Variants in TPO observed in about 807,000 individuals in gnomAD.
The protein encoded by TPO is thyroid microsomal antigen.
In TPO, 78 loss-of-function variants were observed where a neutral mutation model predicts 96.9. That is an observed-to-expected ratio of 0.81 (90% CI 0.67 to 0.97). TPO has a LOEUF of 0.97. Ranked by LOEUF, TPO falls within the 50% of genes least tolerant of loss-of-function variation. The probability of loss-of-function intolerance (pLI) is 0.00; values close to 1 mark genes in which losing one functional copy is unlikely to be tolerated. For synonymous variants in TPO, 547 were observed against 538.0 expected (o/e 1.02, Z -0.23); for missense variants, 1,252 against 1,274.8 (o/e 0.98, Z 0.27).
chr2:1,451,454 C>T (rs917840161), intron 5 of TPO, among the ~76,000 whole-genome samples: 4 of 152,204 alleles, frequency 2.6e-5, no homozygotes, highest in African/African-American at 7.2e-5. Flanking sequence ...TATCTTGTCA[C>T]GATTCTTGTA....
intron 6 of TPO, among the ~76,000 whole-genome samples, chr2:1,454,804 C>T (rs1399613483): frequency 6.6e-6 from 1 of 152,204 alleles, no homozygotes; most frequent in African/African-American, 2.4e-5. Context: ...CCCATATTTG[C>T]TCAGAATTAT....
chr2:1,388,279 TTTTG>T, intron 1 of TPO, among the ~76,000 whole-genome samples: 1 of 152,154 alleles, frequency 6.6e-6, no homozygotes, highest in Non-Finnish European at 1.5e-5. Flanking sequence ...TTCTGCTGCC[TTTTG>T]TTTGTCTGTG....
intron 9 of TPO, among the ~76,000 whole-genome samples, chr2:1,486,862 G>A (rs1272480759): frequency 6.6e-6 from 1 of 152,212 alleles, no homozygotes; most frequent in African/African-American, 2.4e-5. Context: ...TGAGAGCTGA[G>A]TCATGCACAG....
At chr2:1,401,034 T>C (rs1558247127) in intron 1 of TPO, among the ~76,000 whole-genome samples, 1 of 144,830 alleles carries the variant, frequency 6.9e-6, no homozygotes. Flanking sequence ...TCTGTCCTTG[T>C]AGGTCTGGAT....
intron 15 of TPO, among the ~76,000 whole-genome samples, chr2:1,525,279 C>T (rs1386263773): frequency 1.4e-5 from 2 of 147,084 alleles, no homozygotes; most frequent in African/African-American, 2.5e-5. Flanking sequence ...CCTCAAATCC[C>T]CTACTCTGTG....
chr2:1,419,294 G>A (rs1663264002), intron 2 of TPO, among the ~76,000 whole-genome samples: 1 of 152,144 alleles, frequency 6.6e-6, no homozygotes, highest in Non-Finnish European at 1.5e-5. Flanking sequence ...AACTCCCTAA[G>A]TCTATGGTCC....
intron 5 of TPO, 37 bp downstream of exon 5, chr2:1,436,421 G>A (rs1244370719): frequency 6.2e-7 from 1 of 1,613,826 alleles, no homozygotes. Flanking sequence ...TCTCGTGAAA[G>A]TTGGATCTGA....
intron 2 of TPO, among the ~76,000 whole-genome samples, chr2:1,422,542 C>A (rs1389322064): frequency 2.0e-5 from 3 of 152,194 alleles, no homozygotes; most frequent in African/African-American, 4.8e-5. Flanking sequence ...AAACACTTGC[C>A]GTCTTCCTGT....
At position 1,495,992 on chromosome 2, in the gene TPO, T is replaced by C. The variant is rs756765343; in HGVS notation, c.2010T>C (p.Phe670=). The C allele has an allele frequency of 9.9e-6, 16 of 1,612,248 alleles. No individual in the cohort carries two copies. In the East Asian group the frequency reaches 2.9e-4, roughly 29 times the overall value. ...QMKALRDGDW[F]WWENSHVFTD... ...CTCACTGTCTCCTTCTCTGGAGGTT[T>C]TGGTGGGAGAACAGCCACGTCTTCA... The change falls in exon 12 of 17, where the codon TTT becomes TTC. Residue 670 remains phenylalanine (F), a synonymous_variant. Transcript: ENST00000329066.
intron 7 of TPO, among the ~76,000 whole-genome samples, chr2:1,461,009 G>A (rs868629307): frequency 6.6e-6 from 1 of 152,192 alleles, no homozygotes; most frequent in Non-Finnish European, 1.5e-5. Context: ...GCAAGTCTGC[G>A]GCTGCTATTG....
At chr2:1,437,888 T>C (rs9751670) in intron 5 of TPO, among the ~76,000 whole-genome samples, 48,352 of 151,744 alleles carry the variant, frequency 0.32, 8,526 homozygotes, top group South Asian at 0.48. Context: ...GGAGATGGCA[T>C]GTGTCCTGTC....
intron 14 of TPO, among the ~76,000 whole-genome samples, chr2:1,512,940 C>T (rs1336876356): frequency 6.6e-6 from 1 of 152,248 alleles, no homozygotes; most frequent in Non-Finnish European, 1.5e-5. Flanking sequence ...TGGGCATGAC[C>T]TTTCTGCATC....
intron 1 of TPO, among the ~76,000 whole-genome samples, chr2:1,375,449 T>A (rs1661709054): frequency 6.6e-6 from 1 of 150,664 alleles, no homozygotes; most frequent in African/African-American, 2.4e-5. Flanking sequence ...CCAAAGAGGG[T>A]TTTGGGAACT....
Position 1,477,379 on chromosome 2 carries a change from G to T in TPO, c.1113G>T (p.Ala371=), listed in dbSNP as rs1043157010. The stretch of plus-strand genomic sequence containing the variant: ...ACCTGCCCTTCGTGCCGCCACGCGC[G>T]CCTGCGGCCTGTGCGCCCGAGCCCG... ...RAYLPFVPPR[A]PAACAPEPGI... The change falls in exon 8 of 17, where the codon GCG becomes GCT. Residue 371 remains alanine (A), a synonymous_variant. Coordinates refer to ENST00000329066, the MANE Select transcript of TPO (RefSeq NM_001206744.2). 6 of 1,523,550 alleles carry T rather than the reference G, an allele frequency of 3.9e-6. No individual in the cohort carries two copies. Among genetic ancestry groups the T allele is most frequent in the Non-Finnish European group, 5.3e-6 (6 of 1,134,606 alleles). 94.4% of individuals were successfully genotyped at this position (1,523,550 alleles called of 1,614,324 possible). A position where few individuals can be genotyped will look rare whatever the true frequency, so the allele number is the denominator to read the frequency against.
rs960118390 is a variant in TPO at position 1,488,126 on chromosome 2, G to T, written c.1768+135G>T. On this transcript the variant is annotated intron_variant, in intron 10 of 16. Coordinates refer to ENST00000329066, the MANE Select transcript of TPO (RefSeq NM_001206744.2). ...GGCCTTCTAAGCAACGGCTCTTAAAGGGCTCCAGTTCATTCAGCTAAAGTG... is the reference window on the plus strand; with the variant it reads ...GGCCTTCTAAGCAACGGCTCTTAAATGGCTCCAGTTCATTCAGCTAAAGTG... The T allele has an allele frequency of 3.1e-6, 4 of 1,277,608 alleles. No homozygotes were observed. The Admixed American group carries it at 7.8e-5, about 25-fold the overall frequency. The allele number at this position is 1,277,608 out of a possible 1,614,324, so 79.1% of individuals were successfully genotyped here. A position where few individuals can be genotyped will look rare whatever the true frequency, so the allele number is the denominator to read the frequency against.
At chr2:1,536,641 T>TCCCC (rs552769137) in intron 15 of TPO, among the ~76,000 whole-genome samples, 19 of 15,604 alleles carry the variant, frequency 1.2e-3, no homozygotes, top group African/African-American at 2.6e-3. Context: ...CCTCCCCAAA[T>TCCCC]CCCCCCCCCC....
At chr2:1,494,340 GC>G (rs1672108753) in intron 11 of TPO, among the ~76,000 whole-genome samples, 1 of 152,252 alleles carries the variant, frequency 6.6e-6, no homozygotes, top group South Asian at 2.1e-4. Flanking sequence ...AATCGTGACA[GC>G]CCGGAGACTG....
At chr2:1,427,901 T>C (rs1573137912) in intron 3 of TPO, among the ~76,000 whole-genome samples, 1 of 152,308 alleles carries the variant, frequency 6.6e-6, no homozygotes, top group East Asian at 1.9e-4. Flanking sequence ...CTGTTTACTG[T>C]TCACGGTGAA....
At position 1,495,872 on chromosome 2, in the gene TPO, C is replaced by T; in HGVS notation, c.2007-117C>T. On this transcript the variant is annotated intron_variant, in intron 11 of 16. Coordinates refer to ENST00000329066, the MANE Select transcript of TPO (RefSeq NM_001206744.2). ...CTGTGTGGCCCCGGGTGCTGGGGGT[C>T]TGGGCAGACGCCGCAGGAGAGGCTG... 2.5e-6 allele frequency: 3 copies of T among 1,200,306 alleles called. No homozygotes were observed. In the South Asian group the frequency reaches 4.0e-5, roughly 16 times the overall value. The allele number at this position is 1,200,306 out of a possible 1,614,324, so 74.4% of individuals were successfully genotyped here.
Sources: allele counts gnomAD v4.1 joint callset (sites outside exome capture counted in the v4.1 genomes callset), GRCh38; gene constraint gnomAD v4.1.1; transcripts MANE v1.5; gene names NCBI Gene and HGNC (gene_info 2026-07-23, HGNC 2026-07-21).